The following NCALD variants were observed in gnomAD, a reference collection of about 807,000 sequenced individuals.
The protein encoded by NCALD is neurocalcin-delta.
In NCALD, 10 loss-of-function variants were observed where a neutral mutation model predicts 18.6. That is an observed-to-expected ratio of 0.54 (90% confidence interval 0.33 to 0.91). The LOEUF (loss-of-function observed/expected upper bound fraction) is 0.91. Among genes scored for constraint, NCALD ranks in the 40% least tolerant of loss-of-function variants. NCALD has a pLI of 0.03. For missense variants in NCALD, 184 were observed against 247.6 expected (o/e 0.74, Z 1.72); for synonymous variants, 88 against 87.4 (o/e 1.01, Z -0.04).
In NCALD at chr8:102,060,128, G is replaced by GCC. The variant is rs1268987652; in HGVS notation, c.-209-39840_-209-39839insGG. On this transcript the variant is annotated intron_variant, in intron 1 of 6. Coordinates refer to the NCALD transcript ENST00000311028. ...CCCGAGTAGCTGGAACTACAGGCAT[G>GCC]TGCCACCATGCCTGGCTAATTTTTT... is the stretch of plus-strand genomic sequence containing the variant. 8.6e-4 allele frequency among the ~76,000 whole-genome samples: 131 copies of GCC among 152,248 alleles called. No homozygotes were observed. In the South Asian group the frequency reaches 0.016, roughly 19 times the overall value.
chr8:101,950,782 C>G (rs1819384388), intron 2 of NCALD, among the ~76,000 whole-genome samples: 1 of 152,256 alleles, frequency 6.6e-6, no homozygotes, highest in South Asian at 2.1e-4. Flanking sequence ...CAGACCTGAT[C>G]TAAGCCCACA....
At chr8:101,886,136 T>C (rs193014932) in intron 4 of NCALD, among the ~76,000 whole-genome samples, 20 of 152,352 alleles carry the variant, frequency 1.3e-4, no homozygotes, top group African/African-American at 4.3e-4. Flanking sequence ...ATTACTCTTC[T>C]ATAGATCTCA....
chr8:101,871,821 G>T, intron 4 of NCALD: 1 of 436,762 alleles, frequency 2.3e-6, no homozygotes, highest in Non-Finnish European at 4.1e-6. Flanking sequence ...TGTGATAGCA[G>T]CTGCAGCCTC....
chr8:102,037,380 C>T (rs1289156027), intron 1 of NCALD, among the ~76,000 whole-genome samples: 1 of 144,564 alleles, frequency 6.9e-6, no homozygotes, highest in African/African-American at 2.5e-5. Flanking sequence ...AACCAACATA[C>T]AATTATACTA....
intron 1 of NCALD, among the ~76,000 whole-genome samples, chr8:102,108,438 C>A: frequency 6.6e-6 from 1 of 152,150 alleles, no homozygotes; most frequent in Non-Finnish European, 1.5e-5. Context: ...AAATATGCAT[C>A]GGTCAAGTCC....
At chr8:102,074,657 T>G (rs1032785013) in intron 1 of NCALD, among the ~76,000 whole-genome samples, 2 of 152,208 alleles carry the variant, frequency 1.3e-5, no homozygotes, top group Admixed American at 6.5e-5. Context: ...TCAGCAGCTC[T>G]CACGTCGGTT....
chr8:101,743,412 C>T lies in NCALD; in HGVS notation c.-19-23764G>A, dbSNP rs150878523. ...ATCTAGTTAAGGCAATAACACGTTA[C>T]ACATGAAACATTTAAGTCTACAACA... is the stretch of plus-strand genomic sequence containing the variant. On this transcript the variant is annotated intron_variant, in intron 1 of 3. Transcript: ENST00000220931. 2.5e-3 allele frequency among the ~76,000 whole-genome samples: 379 copies of T among 152,324 alleles called. 2 individuals carry two copies. Among genetic ancestry groups the T allele is most frequent in the African/African-American group, 8.8e-3 (366 of 41,558 alleles).
intron 4 of NCALD, among the ~76,000 whole-genome samples, chr8:101,878,573 TGAA>T (rs1228028144): frequency 6.6e-6 from 1 of 152,240 alleles, no homozygotes; most frequent in Admixed American, 6.5e-5. Flanking sequence ...TAAGTGAACT[TGAA>T]GAGAATTTTT....
chr8:102,061,780 A>G (rs1242038866), intron 1 of NCALD, among the ~76,000 whole-genome samples: 1 of 152,246 alleles, frequency 6.6e-6, no homozygotes, highest in African/African-American at 2.4e-5. Flanking sequence ...TCAGCCGTGC[A>G]TAAATATAAG....
intron 2 of NCALD, among the ~76,000 whole-genome samples, chr8:102,003,558 C>T (rs575282369): frequency 4.6e-5 from 7 of 152,182 alleles, no homozygotes; most frequent in African/African-American, 1.7e-4. Context: ...GATACCAAAG[C>T]CTGGCAGAGA....
intron 1 of NCALD, among the ~76,000 whole-genome samples, chr8:102,040,311 T>C (rs1380954527): frequency 6.6e-6 from 1 of 151,422 alleles, no homozygotes; most frequent in Non-Finnish European, 1.5e-5. Flanking sequence ...CCATCTCTAC[T>C]AAAAACACAA....
chr8:101,737,012 A>G (rs1377671523), intron 1 of NCALD, among the ~76,000 whole-genome samples: 1 of 152,248 alleles, frequency 6.6e-6, no homozygotes, highest in Non-Finnish European at 1.5e-5. Context: ...TTTCACAAGA[A>G]TGTAAGAGAG....
In NCALD at chr8:101,801,643, C is replaced by CTTTTTTTTTTTTTTTTTTTTTT. The variant is rs71268530; in HGVS notation, c.-19-82017_-19-81996dup. ...TCTCTATGATTTACAAGCACACTTA[C>CTTTTTTTTTTTTTTTTTTTTTT]TTTTTTTTTTTTTTTTTTTTTTTTT... On this transcript the variant is annotated intron_variant, in intron 4 of 6. Coordinates refer to the NCALD transcript ENST00000311028. Among the ~76,000 whole-genome samples, 3 of 44,140 alleles carry CTTTTTTTTTTTTTTTTTTTTTT rather than the reference C, an allele frequency of 6.8e-5. 1 individual carries two copies. The highest frequency in any genetic ancestry group is 1.7e-4 in the Non-Finnish European group (3 of 17,862). The allele number at this position is 44,140 out of a possible 152,430, so 29.0% of individuals were successfully genotyped here. A position where few individuals can be genotyped will look rare whatever the true frequency, so the allele number is the denominator to read the frequency against.
At chr8:101,719,715 G>T in intron 1 of NCALD, 67 bp from the exon 2 acceptor site, 1 of 1,389,272 alleles carries the variant, frequency 7.2e-7, no homozygotes, top group Non-Finnish European at 9.6e-7. Flanking sequence ...TTTATAATTT[G>T]TAATTGTTCC....
intron 1 of NCALD, among the ~76,000 whole-genome samples, chr8:101,731,348 A>G (rs974736144): frequency 6.6e-6 from 1 of 152,168 alleles, no homozygotes; most frequent in Non-Finnish European, 1.5e-5. Flanking sequence ...GAGCTGATTT[A>G]TATTGGCAAG....
At chr8:101,947,460 A>G (rs1457022575) in intron 2 of NCALD, among the ~76,000 whole-genome samples, 5 of 152,172 alleles carry the variant, frequency 3.3e-5, no homozygotes, top group African/African-American at 1.2e-4. Flanking sequence ...TACAGTCATG[A>G]TCTGGCTCCT....
At chr8:101,911,219 A>G (rs1044579881) in intron 3 of NCALD, among the ~76,000 whole-genome samples, 1 of 151,518 alleles carries the variant, frequency 6.6e-6, no homozygotes, top group Non-Finnish European at 1.5e-5. Context: ...CTACAGCCTA[A>G]GGCTTATTGT....
chr8:101,731,046 C>T (rs948197430), intron 1 of NCALD, among the ~76,000 whole-genome samples: 4 of 152,060 alleles, frequency 2.6e-5, no homozygotes, highest in African/African-American at 9.7e-5. Flanking sequence ...AGGGAAGACC[C>T]CACTGAGAAA....
intron 1 of NCALD, among the ~76,000 whole-genome samples, chr8:101,775,238 G>C (rs1811744151): frequency 6.6e-6 from 1 of 152,160 alleles, no homozygotes; most frequent in Admixed American, 6.5e-5. Context: ...TGCCATCAAG[G>C]CCTAACATAG....
Sources: gnomAD v4.1 joint callset for allele counts (sites outside exome capture counted in the v4.1 genomes callset) on GRCh38, gnomAD v4.1.1 for gene constraint, MANE v1.5 for transcripts, NCBI Gene and HGNC (gene_info 2026-07-23, HGNC 2026-07-21) for gene names.